Variants in FANCC observed in about 807,000 individuals in gnomAD.
FANCC encodes the protein FA complementation group C.
Under a neutral mutation model 71.3 loss-of-function variants are expected in FANCC, and 55 were observed. That is an observed-to-expected ratio of 0.77 (90% CI 0.62 to 0.97). FANCC has a LOEUF of 0.97. Ranked by LOEUF, FANCC falls within the 50% of genes least tolerant of loss-of-function variation. The pLI is 0.00. For synonymous variants in FANCC, 275 were observed against 244.9 expected, an observed-to-expected ratio of 1.12 and a Z score of -1.15; for missense variants, 678 against 670.9, an observed-to-expected ratio of 1.01 and a Z score of -0.12.
chr9:95,299,594 C>T (rs1646064992), intron 1 of FANCC, among the ~76,000 whole-genome samples: 1 of 152,186 alleles, frequency 6.6e-6, no homozygotes. Context: ...CCTGCAGTGG[C>T]TCACACCTGT....
intron 4 of FANCC, among the ~76,000 whole-genome samples, chr9:95,233,159 T>TAA (rs1704106456): frequency 6.6e-6 from 1 of 151,190 alleles, no homozygotes; most frequent in Admixed American, 6.6e-5. Context: ...AAGCAATGAA[T>TAA]AAATATCCCC....
chr9:95,282,800 T>C (rs954700024), intron 1 of FANCC, among the ~76,000 whole-genome samples: 5 of 152,058 alleles, frequency 3.3e-5, no homozygotes, highest in African/African-American at 1.2e-4. Context: ...ACTTTACAAA[T>C]ACATAGAAAT....
intron 4 of FANCC, among the ~76,000 whole-genome samples, chr9:95,231,338 A>T (rs1413744282): frequency 6.6e-6 from 1 of 152,220 alleles, no homozygotes; most frequent in Non-Finnish European, 1.5e-5. Flanking sequence ...GGTCATACTG[A>T]GACAGCCAGG....
chr9:95,123,370 T>G, intron 10 of FANCC: 1 of 393,190 alleles, frequency 2.5e-6, no homozygotes, highest in Non-Finnish European at 4.9e-6. Flanking sequence ...CTGGGTGTGG[T>G]GGCTCACACC....
intron 1 of FANCC, among the ~76,000 whole-genome samples, chr9:95,260,581 C>A (rs1179003919): frequency 1.3e-5 from 2 of 151,670 alleles, no homozygotes; most frequent in Non-Finnish European, 2.9e-5. Context: ...AGCAGAAATA[C>A]CTAATGTAGA....
At chr9:95,132,569 A>G (rs1827069856) in intron 8 of FANCC, among the ~76,000 whole-genome samples, 1 of 152,234 alleles carries the variant, frequency 6.6e-6, no homozygotes, top group Non-Finnish European at 1.5e-5. Flanking sequence ...CACTTGATGT[A>G]GGAGCTACCA....
chr9:95,262,208 T>C (rs1001169587), intron 1 of FANCC, among the ~76,000 whole-genome samples: 2 of 151,812 alleles, frequency 1.3e-5, no homozygotes, highest in Non-Finnish European at 2.9e-5. Flanking sequence ...GTTCCTCATT[T>C]TGGTGAATTC....
chr9:95,178,669 G>A (rs1303209451), intron 4 of FANCC, among the ~76,000 whole-genome samples: 4 of 152,238 alleles, frequency 2.6e-5, no homozygotes, highest in Non-Finnish European at 5.9e-5. Flanking sequence ...TGTGGTGCCT[G>A]TGCAAAGAGT....
intron 1 of FANCC, among the ~76,000 whole-genome samples, chr9:95,262,909 T>C (rs1297584042): frequency 6.6e-6 from 1 of 152,156 alleles, no homozygotes; most frequent in Non-Finnish European, 1.5e-5. Flanking sequence ...CCTACAATAG[T>C]CAAATTCACA....
intron 4 of FANCC, among the ~76,000 whole-genome samples, chr9:95,191,152 TTC>T (rs1827073622): frequency 6.6e-6 from 1 of 152,068 alleles, no homozygotes. Context: ...TGCTGGGGTC[TTC>T]TGTCATAAAA....
At chr9:95,219,977 G>T (rs1445273939) in intron 4 of FANCC, among the ~76,000 whole-genome samples, 1 of 151,968 alleles carries the variant, frequency 6.6e-6, no homozygotes, top group Non-Finnish European at 1.5e-5. Context: ...TCTGACAAAG[G>T]GCTAATATCC....
rs535461154 is a variant in FANCC, at chr9:95,307,555, T to C, written c.-79+9971A>G. 2.9e-3 allele frequency among the ~76,000 whole-genome samples: 436 copies of C among 152,366 alleles called. 3 individuals carry two copies. Among genetic ancestry groups the C allele is most frequent in the Admixed American group, 9.0e-3 (137 of 15,306 alleles). On this transcript the variant is annotated intron_variant, in intron 1 of 14. Transcript: ENST00000289081. ...TTGTTCTGATCTGTCCATTTTTTTC[T>C]AAGTGTTAGTTTAACAACTGAATGC...
At chr9:95,146,991 TAA>T (rs1199848144) in intron 7 of FANCC, among the ~76,000 whole-genome samples, 18 of 151,046 alleles carry the variant, frequency 1.2e-4, no homozygotes, top group Non-Finnish European at 3.0e-5. Context: ...AAATTTTATC[TAA>T]GTTATTTTAG....
rs1489250892 is a variant in FANCC, at chr9:95,317,585, GC to G, written c.-139del. Reference sequence around the variant, plus strand: ...GGGCAGTGGCGGAAAGGAAGCCACCGCCCGGGATCTGTGGCTTGAAAATTTG... The same window carrying G: ...GGGCAGTGGCGGAAAGGAAGCCACCGCCGGGATCTGTGGCTTGAAAATTTG... On this transcript the variant is annotated 5_prime_UTR_variant, in exon 1 of 15. Coordinates refer to ENST00000289081, the MANE Select transcript of FANCC (RefSeq NM_000136.3). 7 of 152,238 alleles carry G rather than the reference GC, an allele frequency of 4.6e-5. No individual in the cohort carries two copies. Among genetic ancestry groups the G allele is most frequent in the African/African-American group, 7.2e-5 (3 of 41,466 alleles). 9.4% of individuals were successfully genotyped at this position (152,238 alleles called of 1,614,324 possible). A position where few individuals can be genotyped will look rare whatever the true frequency, so the allele number is the denominator to read the frequency against.
intron 4 of FANCC, among the ~76,000 whole-genome samples, chr9:95,239,184 A>G (rs1437451556): frequency 1.3e-5 from 2 of 152,280 alleles, no homozygotes; most frequent in East Asian, 3.9e-4. Flanking sequence ...TTGTCAGAGC[A>G]AGTGTCCCCC....
At chr9:95,297,147 C>G (rs1195248120) in intron 1 of FANCC, among the ~76,000 whole-genome samples, 2 of 152,140 alleles carry the variant, frequency 1.3e-5, no homozygotes, top group South Asian at 4.2e-4. Flanking sequence ...ACCAGGGGAA[C>G]AGCAGACTGA....
chr9:95,292,795 A>T, intron 1 of FANCC: 3 of 1,552,370 alleles, frequency 1.9e-6, no homozygotes, highest in Non-Finnish European at 2.7e-6. Flanking sequence ...CTCGTAAAAC[A>T]GCACTTTATG....
chr9:95,126,759 G>A (rs1370135657), intron 8 of FANCC, 178 bp from the exon 9 acceptor site: 7 of 646,458 alleles, frequency 1.1e-5, no homozygotes, highest in Non-Finnish European at 2.0e-5. Context: ...AAGTGCATAC[G>A]GTGGTCTCCC....
chr9:95,137,500 T>TGGCAAAGCCCTGCCATGGTGCCACACCC (rs1827875360), intron 7 of FANCC, among the ~76,000 whole-genome samples: 2 of 152,066 alleles, frequency 1.3e-5, no homozygotes, highest in African/African-American at 4.8e-5. Context: ...CTCCCACACC[T>TGGCAAAGCCCTGCCATGGTGCCACACCC]GGCAAAGCCC....
Sources: allele counts gnomAD v4.1 joint callset (sites outside exome capture counted in the v4.1 genomes callset), GRCh38; gene constraint gnomAD v4.1.1; transcripts MANE v1.5; gene names NCBI Gene and HGNC (gene_info 2026-07-23, HGNC 2026-07-21).